Variants in TPMT observed in about 807,000 individuals in gnomAD.
TPMT encodes thiopurine S-methyltransferase.
TPMT carries 18 observed loss-of-function variants against 34.2 expected under a neutral mutation model. The observed-to-expected ratio is 0.53, with a 90% CI of 0.36 to 0.78. The LOEUF (loss-of-function observed/expected upper bound fraction) is 0.78, where lower values mean the gene tolerates loss of function less well. Ranked by LOEUF, TPMT falls within the 30% of genes least tolerant of loss-of-function variation. TPMT has a pLI of 0.00. For missense variants in TPMT, 265 were observed against 288.1 expected (o/e 0.92, Z 0.58); for synonymous variants, 69 against 92.4 (o/e 0.75, Z 1.45).
Position 18,139,251 on chromosome 6 carries a change from C to G in TPMT, c.420-214G>C, listed in dbSNP as rs902457648. Among the ~76,000 whole-genome samples, 14 of 152,198 alleles carry G rather than the reference C, an allele frequency of 9.2e-5. No individual in the cohort carries two copies. Among genetic ancestry groups the G allele is most frequent in the Admixed American group, 8.5e-4 (13 of 15,270 alleles). Reference sequence around the variant, plus strand: ...AGCCTGTGGCAGCAGCCTCCCCACTCTGTTATGATTTGGGGACATGAAGAA... The same window carrying G: ...AGCCTGTGGCAGCAGCCTCCCCACTGTGTTATGATTTGGGGACATGAAGAA... On this transcript the variant is annotated intron_variant, in intron 5 of 8. Transcript: ENST00000309983. This position sits in a 1 kb window ranked among gnomAD's most constrained non-coding sequence, Gnocchi z 4.2.
In TPMT at chr6:18,139,686, C is replaced by T; in HGVS notation, c.398G>A (p.Cys133Tyr). The T allele has an allele frequency of 6.2e-7, 1 of 1,613,068 alleles. No homozygotes were observed. The highest frequency in any genetic ancestry group is 8.5e-7 in the Non-Finnish European group (1 of 1,179,720). Residue 133 changes from cysteine (C) to tyrosine (Y), a missense_variant, in exon 5 of 9, where the codon TGC becomes TAC. Transcript: ENST00000309983. This position sits in a 1 kb window ranked among gnomAD's most constrained non-coding sequence, Gnocchi z 4.2. ...SSSGNISLYC[C>Y]SIFDLPRTNI... ...CTACCTGGGAAGATCAAAAATACTG[C>T]AACAGTACAATGAAATGTTCCCCGA...
In TPMT at chr6:18,154,250, A is replaced by G. The variant is rs894521761; in HGVS notation, c.-45+783T>C. Among the ~76,000 whole-genome samples the G allele has an allele frequency of 1.3e-5, 2 of 152,228 alleles. No individual in the cohort carries two copies. Among genetic ancestry groups the G allele is most frequent in the Non-Finnish European group, 2.9e-5 (2 of 68,050 alleles). On this transcript the variant is annotated intron_variant, in intron 1 of 8. Transcript: ENST00000309983. This position sits in a 1 kb window ranked among gnomAD's most constrained non-coding sequence, Gnocchi z 4.2. Reference sequence around the variant, plus strand: ...TATTTCTATAATACAAAAAAAGTGCACATTACAAGAATTAAGGAAGGGAAA... The same window carrying G: ...TATTTCTATAATACAAAAAAAGTGCGCATTACAAGAATTAAGGAAGGGAAA...
Position 18,143,425 on chromosome 6 carries a change from G to A in TPMT, c.366+171C>T, listed in dbSNP as rs1784184341. Among the ~76,000 whole-genome samples, 1 of 152,196 alleles carries A rather than the reference G, an allele frequency of 6.6e-6. No individual in the cohort carries two copies. The highest frequency in any genetic ancestry group is 2.1e-4 in the South Asian group (1 of 4,830). Reference sequence around the variant, plus strand: ...ACATATGTCTATACCTATTTAGGTAGCTATCACCTATATTTTTAAGCCCTT... The same window carrying A: ...ACATATGTCTATACCTATTTAGGTAACTATCACCTATATTTTTAAGCCCTT... On this transcript the variant is annotated intron_variant, in intron 4 of 8. Transcript: ENST00000309983. The surrounding 1 kb of genome is among the most constrained non-coding windows in gnomAD (Gnocchi z 6.1).
At position 18,139,584 on chromosome 6, in the gene TPMT, G is replaced by T; in HGVS notation, c.419+81C>A. 3 of 1,124,138 alleles carry T rather than the reference G, an allele frequency of 2.7e-6. No homozygotes were observed. Among genetic ancestry groups the T allele is most frequent in the Non-Finnish European group, 4.0e-6 (3 of 741,602 alleles). 69.6% of individuals were successfully genotyped at this position (1,124,138 alleles called of 1,614,324 possible). A position where few individuals can be genotyped will look rare whatever the true frequency, so the allele number is the denominator to read the frequency against. Reference sequence around the variant, plus strand: ...ATGTTACACAGGAGGAAGAGAGTGAGGAAGACACCTCCACTCCCATGCCTG... The same window carrying T: ...ATGTTACACAGGAGGAAGAGAGTGATGAAGACACCTCCACTCCCATGCCTG... On this transcript the variant is annotated intron_variant, in intron 5 of 8. Coordinates refer to ENST00000309983, the MANE Select transcript of TPMT (RefSeq NM_000367.5). This position sits in a 1 kb window ranked among gnomAD's most constrained non-coding sequence, Gnocchi z 4.2.
At position 18,143,718 on chromosome 6, in the gene TPMT, G is replaced by C. The variant is rs111901354; in HGVS notation, c.244C>G (p.Arg82Gly). ...TCCACACCAACTACACTGTGTCCCCGGTCTGCAAACCTGCATAAAATCATA... is the reference window on the plus strand; with the variant it reads ...TCCACACCAACTACACTGTGTCCCCCGTCTGCAAACCTGCATAAAATCATA... The part of the protein sequence containing the change: ...KAVEMKWFAD[R>G]GHSVVGVEIS... The change falls in exon 4 of 9, where the codon CGG becomes GGG. Residue 82 changes from arginine (R) to glycine (G), a missense_variant. Arg to Gly is a moderately radical substitution (Grantham distance 125). Transcript: ENST00000309983. The surrounding 1 kb of genome is among the most constrained non-coding windows in gnomAD (Gnocchi z 6.1). The C allele has an allele frequency of 6.2e-7, 1 of 1,613,796 alleles. No homozygotes were observed. The highest frequency in any genetic ancestry group is 2.2e-5 in the East Asian group (1 of 44,848).
rs895797382 is a variant in TPMT, at chr6:18,131,376, C to T, written c.626-596G>A. ...AGAGGATCACTTGAGCCCAGGAGTT[C>T]GAGACCAGCCTGGGCAATGTGGTTA... On this transcript the variant is annotated intron_variant, in intron 8 of 8. Transcript: ENST00000309983. This position sits in a 1 kb window ranked among gnomAD's most constrained non-coding sequence, Gnocchi z 4.3. 3.3e-5 allele frequency among the ~76,000 whole-genome samples: 5 copies of T among 152,044 alleles called. No individual in the cohort carries two copies. Among genetic ancestry groups the T allele is most frequent in the South Asian group, 2.1e-4 (1 of 4,828 alleles).
At position 18,146,304 on chromosome 6, in the gene TPMT, A is replaced by G. The variant is rs576886819; in HGVS notation, c.233+1519T>C. On this transcript the variant is annotated intron_variant, in intron 3 of 8. Coordinates refer to ENST00000309983, the MANE Select transcript of TPMT (RefSeq NM_000367.5). The surrounding 1 kb of genome is among the most constrained non-coding windows in gnomAD (Gnocchi z 6.2). ...AACCTCCGCCTCCTGGATTCAAGCA[A>G]TTCTCCTGCTTCAGCTTCTCAGGTA... is the stretch of plus-strand genomic sequence containing the variant. Among the ~76,000 whole-genome samples, 4 of 152,130 alleles carry G rather than the reference A, an allele frequency of 2.6e-5. No homozygotes were observed. The highest frequency in any genetic ancestry group is 4.8e-5 in the African/African-American group (2 of 41,526).
rs962488623 is a variant in TPMT at position 18,148,329 on chromosome 6, T to G, written c.141-414A>C. Among the ~76,000 whole-genome samples, 12 of 152,128 alleles carry G rather than the reference T, an allele frequency of 7.9e-5. No individual in the cohort carries two copies. Among genetic ancestry groups the G allele is most frequent in the Non-Finnish European group, 1.5e-5 (1 of 68,028 alleles). On this transcript the variant is annotated intron_variant, in intron 2 of 8. Coordinates refer to ENST00000309983, the MANE Select transcript of TPMT (RefSeq NM_000367.5). The surrounding 1 kb of genome is among the most constrained non-coding windows in gnomAD (Gnocchi z 4.1). ...ACTCCTGTAGTTTCTTGTAATTCCC[T>G]CTGTGGAGATGTGGCTCTTCTAAGG...
rs904620097 is a variant in TPMT at position 18,131,080 on chromosome 6, G to C, written c.626-300C>G. Among the ~76,000 whole-genome samples the C allele has an allele frequency of 6.6e-6, 1 of 152,242 alleles. No individual in the cohort carries two copies. The highest frequency in any genetic ancestry group is 2.4e-5 in the African/African-American group (1 of 41,464). On this transcript the variant is annotated intron_variant, in intron 8 of 8. Coordinates refer to ENST00000309983, the MANE Select transcript of TPMT (RefSeq NM_000367.5). The surrounding 1 kb of genome is among the most constrained non-coding windows in gnomAD (Gnocchi z 4.3). ...TTGAACCCGGGAGATGGAGGTTGCA[G>C]TGAGCTGAGATTGCACCATCGCGCT... is the stretch of plus-strand genomic sequence containing the variant.
intron 4 of TPMT, among the ~76,000 whole-genome samples, chr6:18,142,513 C>A (rs1040944551): frequency 2.6e-5 from 4 of 152,074 alleles, no homozygotes; most frequent in Non-Finnish European, 5.9e-5. Flanking sequence ...ATGCCGGGAG[C>A]TTTTACTTTT....
At chr6:18,141,926 TTC>T (rs1784149564) in intron 4 of TPMT, among the ~76,000 whole-genome samples, 2 of 152,210 alleles carry the variant, frequency 1.3e-5, no homozygotes, top group Admixed American at 6.5e-5. Flanking sequence ...CTATCTTCCC[TTC>T]TCTGTCAGCC....
rs1466607815 is a variant in TPMT, at chr6:18,130,092, T to A, written c.*576A>T. 2 of 153,764 alleles carry A rather than the reference T, an allele frequency of 1.3e-5. No individual in the cohort carries two copies. The highest frequency in any genetic ancestry group is 4.8e-5 in the African/African-American group (2 of 41,440). The allele number at this position is 153,764 out of a possible 1,614,324, so 9.5% of individuals were successfully genotyped here. ...TGAGGTCAGGAGCTCGAGATCAGCC[T>A]GACCAACATGGTGAAACCCTGTCTC... On this transcript the variant is annotated 3_prime_UTR_variant, in exon 9 of 9. Coordinates refer to ENST00000309983, the MANE Select transcript of TPMT (RefSeq NM_000367.5). This position sits in a 1 kb window ranked among gnomAD's most constrained non-coding sequence, Gnocchi z 4.2.
chr6:18,146,210 C>CAT lies in TPMT; in HGVS notation c.233+1611_233+1612dup, dbSNP rs546575888. 1.1e-4 allele frequency among the ~76,000 whole-genome samples: 16 copies of CAT among 151,284 alleles called. No individual in the cohort carries two copies. The East Asian group carries it at 2.9e-3, about 27-fold the overall frequency. ...AAATAACTGTATTTACGTATATATA[C>CAT]ATATATATATATTTTTTGGAGACAG... is the stretch of plus-strand genomic sequence containing the variant. On this transcript the variant is annotated intron_variant, in intron 3 of 8. Coordinates refer to ENST00000309983, the MANE Select transcript of TPMT (RefSeq NM_000367.5). This position sits in a 1 kb window ranked among gnomAD's most constrained non-coding sequence, Gnocchi z 6.2.
rs1419670003 is a variant in TPMT at position 18,128,333 on chromosome 6, A to G, written c.*2335T>C. 1 of 152,246 alleles carries G rather than the reference A, an allele frequency of 6.6e-6. No individual in the cohort carries two copies. The highest frequency in any genetic ancestry group is 1.5e-5 in the Non-Finnish European group (1 of 68,052). 9.4% of individuals were successfully genotyped at this position (152,246 alleles called of 1,614,324 possible). A position where few individuals can be genotyped will look rare whatever the true frequency, so the allele number is the denominator to read the frequency against. On this transcript the variant is annotated 3_prime_UTR_variant, in exon 9 of 9. Transcript: ENST00000309983. The surrounding 1 kb of genome is among the most constrained non-coding windows in gnomAD (Gnocchi z 4.6). ...GCATTTTTGGAAAATCCTGAAAACA[A>G]TTTAATTGCTCTAAAATAATTTACA...
Position 18,136,697 on chromosome 6 carries a change from C to A in TPMT, c.494+2266G>T, listed in dbSNP as rs986326821. Among the ~76,000 whole-genome samples, 2 of 152,182 alleles carry A rather than the reference C, an allele frequency of 1.3e-5. No individual in the cohort carries two copies. The highest frequency in any genetic ancestry group is 4.8e-5 in the African/African-American group (2 of 41,458). On this transcript the variant is annotated intron_variant, in intron 6 of 8. Transcript: ENST00000309983. This position sits in a 1 kb window ranked among gnomAD's most constrained non-coding sequence, Gnocchi z 4.7. ...TGGTGGAGCATGCCTATAATCCCAGCTACCTGGGAGGCTGAGGCAGGAGAT... is the reference window on the plus strand; with the variant it reads ...TGGTGGAGCATGCCTATAATCCCAGATACCTGGGAGGCTGAGGCAGGAGAT...
chr6:18,155,149 G>A (rs1784475745), upstream of TPMT: 2 of 31,926 alleles, frequency 6.3e-5, no homozygotes, highest in African/African-American at 1.5e-4. The surrounding 1 kb of genome is among the most constrained non-coding windows in gnomAD (Gnocchi z 6.2). Flanking sequence ...CCCGCGCCCC[G>A]CCTCCGCCCG....
rs954620507 is a variant in TPMT at position 18,146,220 on chromosome 6, TA to T, written c.233+1602del. Among the ~76,000 whole-genome samples the T allele has an allele frequency of 2.0e-5, 3 of 151,928 alleles. No individual in the cohort carries two copies. The highest frequency in any genetic ancestry group is 7.3e-5 in the African/African-American group (3 of 41,356). ...ATTTACGTATATATACATATATATA[TA>T]TTTTTTGGAGACAGAGTCTCACTCT... On this transcript the variant is annotated intron_variant, in intron 3 of 8. Coordinates refer to ENST00000309983, the MANE Select transcript of TPMT (RefSeq NM_000367.5). This position sits in a 1 kb window ranked among gnomAD's most constrained non-coding sequence, Gnocchi z 6.2.
At chr6:18,152,876 C>A (rs571481592) in intron 1 of TPMT, among the ~76,000 whole-genome samples, 1 of 152,218 alleles carries the variant, frequency 6.6e-6, no homozygotes. Flanking sequence ...TCCTTTTGTG[C>A]CTGATAAGAG....
In TPMT at chr6:18,148,169, T is replaced by C. The variant is rs183441984; in HGVS notation, c.141-254A>G. Among the ~76,000 whole-genome samples the C allele has an allele frequency of 2.6e-5, 4 of 152,230 alleles. No homozygotes were observed. The East Asian group carries it at 7.7e-4, about 29-fold the overall frequency. Reference sequence around the variant, plus strand: ...TTTTTTCTTGGGGATGTTTTGAAAATTCTTTATTAATTCTCTAAATATGTA... The same window carrying C: ...TTTTTTCTTGGGGATGTTTTGAAAACTCTTTATTAATTCTCTAAATATGTA... On this transcript the variant is annotated intron_variant, in intron 2 of 8. Transcript: ENST00000309983. The surrounding 1 kb of genome is among the most constrained non-coding windows in gnomAD (Gnocchi z 4.1).
Sources: gnomAD v4.1 joint callset for allele counts (sites outside exome capture counted in the v4.1 genomes callset) on GRCh38, gnomAD v4.1.1 for gene constraint, Gnocchi (gnomAD v3.1) non-coding constraint, MANE v1.5 for transcripts, NCBI Gene and HGNC (gene_info 2026-07-23, HGNC 2026-07-21) for gene names.